KHDRBS2: variants seen among roughly 807,000 people sequenced by gnomAD.
KHDRBS2 encodes the protein KH RNA binding domain containing, signal transduction associated 2.
A neutral mutation model predicts 44.3 loss-of-function variants in KHDRBS2; 26 were observed. The observed-to-expected ratio is 0.59, with a 90% CI of 0.43 to 0.81. The LOEUF is 0.81. Ranked by LOEUF, KHDRBS2 falls within the 40% of genes least tolerant of loss-of-function variation. The pLI is 0.00. For synonymous variants in KHDRBS2, 194 were observed against 151.1 expected, an observed-to-expected ratio of 1.28 and a Z score of -2.08; for missense variants, 476 against 433.1, an observed-to-expected ratio of 1.10 and a Z score of -0.88.
At chr6:62,269,065 C>CT (rs1839662831) in intron 1 of KHDRBS2, among the ~76,000 whole-genome samples, 1 of 151,968 alleles carries the variant, frequency 6.6e-6, no homozygotes, top group South Asian at 2.1e-4. Context: ...TTAAAAAATA[C>CT]TTTGACTATC....
chr6:61,884,192 A>C (rs927786192), intron 6 of KHDRBS2, among the ~76,000 whole-genome samples: 2 of 152,136 alleles, frequency 1.3e-5, no homozygotes, highest in African/African-American at 4.8e-5. Context: ...TGTTACTGGA[A>C]GGATGCCTCA....
At chr6:61,975,630 C>G (rs1772434325) in intron 4 of KHDRBS2, among the ~76,000 whole-genome samples, 1 of 145,566 alleles carries the variant, frequency 6.9e-6, no homozygotes, top group African/African-American at 2.6e-5. Context: ...TATTCTAGCA[C>G]AGAAATCAAA....
At chr6:61,707,040 G>T (rs375766523) in intron 7 of KHDRBS2, among the ~76,000 whole-genome samples, 1 of 151,668 alleles carries the variant, frequency 6.6e-6, no homozygotes, top group East Asian at 1.9e-4. Flanking sequence ...TAAAATTATA[G>T]TTAAAGTGGT....
At chr6:61,932,790 C>T (rs1396058500) in intron 4 of KHDRBS2, among the ~76,000 whole-genome samples, 3 of 151,972 alleles carry the variant, frequency 2.0e-5, no homozygotes, top group African/African-American at 7.3e-5. Flanking sequence ...AAGACTCTGT[C>T]TCAAGAAAAA....
chr6:61,929,986 A>G (rs1809705701), intron 4 of KHDRBS2, among the ~76,000 whole-genome samples: 1 of 152,176 alleles, frequency 6.6e-6, no homozygotes, highest in African/African-American at 2.4e-5. Context: ...CCAATGTGAT[A>G]GTATTAAGAT....
intron 6 of KHDRBS2, among the ~76,000 whole-genome samples, chr6:61,800,769 C>T (rs1259640921): frequency 1.3e-5 from 2 of 152,022 alleles, no homozygotes; most frequent in East Asian, 3.9e-4. Flanking sequence ...ACTTGTTCTA[C>T]CTTTGCTGGA....
intron 4 of KHDRBS2, among the ~76,000 whole-genome samples, chr6:61,949,051 C>A (rs988835878): frequency 1.3e-5 from 2 of 152,016 alleles, no homozygotes; most frequent in Admixed American, 6.6e-5. Context: ...TGGGAGCTAA[C>A]CTTCCTCCAA....
the KHDRBS2 span, among the ~76,000 whole-genome samples, chr6:61,663,527 G>A: frequency 0.015 from 92 of 6,008 alleles, no homozygotes; most frequent in East Asian, 0.056. Context: ...ATATATATAT[G>A]CAGCTGGGAC....
chr6:61,997,981 C>A (rs769024514), intron 3 of KHDRBS2, among the ~76,000 whole-genome samples: 1 of 152,074 alleles, frequency 6.6e-6, no homozygotes, highest in Non-Finnish European at 1.5e-5. Context: ...TGGAATTAAC[C>A]GGCCTGGTTT....
intron 2 of KHDRBS2, among the ~76,000 whole-genome samples, chr6:62,171,244 A>C (rs1391894445): frequency 6.6e-6 from 1 of 152,224 alleles, no homozygotes; most frequent in East Asian, 1.9e-4. Context: ...AGAACCAAGT[A>C]ATCTGATAGA....
chr6:61,594,247 C>A, the KHDRBS2 span, among the ~76,000 whole-genome samples: 1 of 151,656 alleles, frequency 6.6e-6, no homozygotes, highest in Admixed American at 6.6e-5. Context: ...ACAGTTTAAA[C>A]AAAAAAATAT....
chr6:61,908,504 A>G (rs1217404145), intron 4 of KHDRBS2, among the ~76,000 whole-genome samples: 3 of 151,692 alleles, frequency 2.0e-5, no homozygotes, highest in East Asian at 3.9e-4. Context: ...CGTGGTGGTG[A>G]GCGCCTGTAG....
intron 1 of KHDRBS2, among the ~76,000 whole-genome samples, chr6:62,190,266 G>T (rs958559854): frequency 1.3e-5 from 2 of 152,126 alleles, no homozygotes; most frequent in African/African-American, 2.4e-5. Context: ...CATTGGCAAG[G>T]TGAAAGATGC....
At chr6:61,774,379 T>C (rs532078330) in intron 6 of KHDRBS2, among the ~76,000 whole-genome samples, 9 of 151,766 alleles carry the variant, frequency 5.9e-5, no homozygotes, top group South Asian at 2.1e-4. Flanking sequence ...GATGACATGA[T>C]TGTATATCTA....
chr6:62,132,719 T>C (rs1810613227), intron 2 of KHDRBS2, among the ~76,000 whole-genome samples: 1 of 152,188 alleles, frequency 6.6e-6, no homozygotes, highest in Non-Finnish European at 1.5e-5. Context: ...ACATAAAACA[T>C]GGCATTATTA....
intron 3 of KHDRBS2, among the ~76,000 whole-genome samples, chr6:61,986,318 C>T (rs936250526): frequency 3.3e-5 from 5 of 152,094 alleles, no homozygotes; most frequent in Non-Finnish European, 7.3e-5. Context: ...ATGGTCTGCC[C>T]TATGCCAAAG....
intron 1 of KHDRBS2, among the ~76,000 whole-genome samples, chr6:62,242,728 C>T (rs182635088): frequency 2.0e-3 from 298 of 152,158 alleles, no homozygotes; most frequent in Middle Eastern, 0.01. Context: ...AATATATTTC[C>T]CTTAAAAATT....
chr6:62,213,342 A>C (rs2150146596), intron 1 of KHDRBS2, among the ~76,000 whole-genome samples: 1 of 152,156 alleles, frequency 6.6e-6, no homozygotes, highest in South Asian at 2.1e-4. Flanking sequence ...TGCATAGCGC[A>C]GAATATGAAA....
chr6:62,128,162 G>C (rs1297957552), intron 2 of KHDRBS2, among the ~76,000 whole-genome samples: 2 of 152,102 alleles, frequency 1.3e-5, no homozygotes, highest in Non-Finnish European at 2.9e-5. Flanking sequence ...TATAATTATA[G>C]TTAAGAGCAT....
Sources: allele counts gnomAD v4.1 joint callset (sites outside exome capture counted in the v4.1 genomes callset), GRCh38; gene constraint gnomAD v4.1.1; transcripts MANE v1.5; gene names NCBI Gene and HGNC (gene_info 2026-07-23, HGNC 2026-07-21).